The following C19orf44 variants were observed in gnomAD, a reference collection of about 807,000 sequenced individuals.
C19orf44 encodes the protein uncharacterized protein C19orf44.
C19orf44 carries 43 observed loss-of-function variants against 50.7 expected under a neutral mutation model. The ratio of observed to expected loss-of-function variants is 0.85; its 90% confidence interval spans 0.66 to 1.09. The LOEUF (loss-of-function observed/expected upper bound fraction) is 1.09. C19orf44 is among the 50% of genes least tolerant of loss of function. The pLI, the probability that C19orf44 is intolerant of heterozygous loss-of-function variation, is 0.00. For synonymous variants in C19orf44, 298 were observed against 334.7 expected (o/e 0.89, Z 1.20); for missense variants, 722 against 836.2 (o/e 0.86, Z 1.68).
rs577829774 is a variant in C19orf44, at chr19:16,520,754, T to C, written c.*701T>C. 43 of 1,427,462 alleles carry C rather than the reference T, an allele frequency of 3.0e-5. No homozygotes were observed. The highest frequency in any genetic ancestry group is 3.9e-5 in the Non-Finnish European group (40 of 1,015,188). The allele number at this position is 1,427,462 out of a possible 1,614,324, so 88.4% of individuals were successfully genotyped here. The stretch of plus-strand genomic sequence containing the variant: ...TGAGGGTGGACGTGATGAGTGTATC[T>C]GGGGTCTGCTCCCACCCATCACAAG... On this transcript the variant is annotated 3_prime_UTR_variant, in exon 9 of 9. Coordinates refer to ENST00000221671, the MANE Select transcript of C19orf44 (RefSeq NM_032207.4). The surrounding 1 kb of genome is among the most constrained non-coding windows in gnomAD (Gnocchi z 4.0).
In C19orf44 at chr19:16,519,151, A is replaced by T. The variant is rs753404597; in HGVS notation, c.*41-943A>T. 1.2e-6 allele frequency: 2 copies of T among 1,610,444 alleles called. No homozygotes were observed. The highest frequency in any genetic ancestry group is 1.7e-6 in the Non-Finnish European group (2 of 1,178,954). ...GCTGGCCACCGGCGCGGCTCCCGGC[A>T]TGGGCGCCTACTTACACTCGTCCCT... On this transcript the variant is annotated intron_variant, in intron 8 of 8. Coordinates refer to ENST00000221671, the MANE Select transcript of C19orf44 (RefSeq NM_032207.4). This position sits in a 1 kb window ranked among gnomAD's most constrained non-coding sequence, Gnocchi z 6.0.
rs746388656 is a variant in C19orf44, at chr19:16,510,005, G to A, written c.1639+17G>A. The A allele has an allele frequency of 2.5e-5, 41 of 1,613,972 alleles. No individual in the cohort carries two copies. The South Asian group carries it at 3.8e-4, about 15-fold the overall frequency. The stretch of plus-strand genomic sequence containing the variant: ...GGACCAAGGGTAAGCCTTGGGGCCC[G>A]TGGGGGCCGGGGCAGCCGGGACAGG... On this transcript the variant is annotated intron_variant, in intron 5 of 8. Transcript: ENST00000221671.
At chr19:16,502,886 A>G (rs1277916430) in intron 2 of C19orf44, among the ~76,000 whole-genome samples, 179 bp from the exon 3 acceptor site, 1 of 151,252 alleles carries the variant, frequency 6.6e-6, no homozygotes. Flanking sequence ...GCTGCTTGGG[A>G]GGCTGAGGTG....
At chr19:16,503,873 C>T (rs1157959941) in intron 3 of C19orf44, among the ~76,000 whole-genome samples, 1 of 152,130 alleles carries the variant, frequency 6.6e-6, no homozygotes, top group African/African-American at 2.4e-5. Flanking sequence ...CTTACCAACT[C>T]ATCTCTTGAG....
Position 16,519,883 on chromosome 19 carries a change from G to T in C19orf44, c.*41-211G>T. On this transcript the variant is annotated intron_variant, in intron 8 of 8. Transcript: ENST00000221671. This position sits in a 1 kb window ranked among gnomAD's most constrained non-coding sequence, Gnocchi z 6.0. ...GTTTATCCTGTCTCAGCTAGATAAG[G>T]GGGCTCCAGACGCTGGCCCCCACCC... 1.4e-6 allele frequency: 1 copy of T among 695,630 alleles called. No homozygotes were observed. Among genetic ancestry groups the T allele is most frequent in the Non-Finnish European group, 2.5e-6 (1 of 399,266 alleles). 43.1% of individuals were successfully genotyped at this position (695,630 alleles called of 1,614,324 possible).
rs138160349 is a variant in C19orf44 at position 16,509,866 on chromosome 19, A to G, written c.1517A>G (p.Lys506Arg). 11 of 1,614,162 alleles carry G rather than the reference A, an allele frequency of 6.8e-6. No homozygotes were observed. Among genetic ancestry groups the G allele is most frequent in the Middle Eastern group, 1.6e-4 (1 of 6,084 alleles). ...DALSESSSSV[K>R]TDLPQTAESR... is the part of the protein sequence containing the mutation. ...TTGTCTGAATCCTCTTCAAGTGTGA[A>G]GACAGACCTTCCACAAACAGCCGAG... is the stretch of plus-strand genomic sequence containing the variant. Residue 506 changes from lysine to arginine, a missense_variant, in exon 5 of 9, where the codon AAG becomes AGG. Transcript: ENST00000221671.
intron 1 of C19orf44, among the ~76,000 whole-genome samples, chr19:16,498,877 A>G (rs1388834583): frequency 6.6e-6 from 1 of 151,088 alleles, no homozygotes; most frequent in Non-Finnish European, 1.5e-5. Flanking sequence ...TCACTGTGTT[A>G]GCCAGGATGG....
At chr19:16,518,966 AC>A in intron 8 of C19orf44, 1 of 606,592 alleles carries the variant, frequency 1.6e-6, no homozygotes, top group Non-Finnish European at 2.8e-6. Flanking sequence ...TGTGGGTGGC[AC>A]CCGTGCCCTC....
intron 7 of C19orf44, 107 bp from the exon 8 acceptor site, chr19:16,517,123 G>A: frequency 9.8e-7 from 1 of 1,023,032 alleles, no homozygotes; most frequent in Non-Finnish European, 1.5e-6. Flanking sequence ...GTCACTGACA[G>A]GAGCCTGCTG....
chr19:16,508,691 G>C (rs2093447407), intron 4 of C19orf44, among the ~76,000 whole-genome samples: 3 of 152,114 alleles, frequency 2.0e-5, no homozygotes, highest in African/African-American at 7.2e-5. Flanking sequence ...CAGGCATGAT[G>C]AAACTTAATT....
chr19:16,496,426 A>G lies in C19orf44; in HGVS notation c.-41A>G. The G allele has an allele frequency of 2.5e-6, 1 of 404,614 alleles. No individual in the cohort carries two copies. Among genetic ancestry groups the G allele is most frequent in the South Asian group, 2.6e-5 (1 of 38,504 alleles). The allele number at this position is 404,614 out of a possible 1,614,324, so 25.1% of individuals were successfully genotyped here. On this transcript the variant is annotated 5_prime_UTR_variant, in exon 1 of 9. The change abolishes an upstream ATG in the 5' untranslated region. Coordinates refer to ENST00000221671, the MANE Select transcript of C19orf44 (RefSeq NM_032207.4). ...AGGGCAACCGCTCCTTCAGGCGTGA[A>G]TGTGGCGGCTGCCTCTGCGAATGGA...
At position 16,501,125 on chromosome 19, in the gene C19orf44, G is replaced by C. The variant is rs1382332817; in HGVS notation, c.333G>C (p.Arg111Ser). The change falls in exon 2 of 9, where the codon AGG (arginine) becomes AGC (serine). Residue 111 changes from arginine (R) to serine (S), a missense_variant. By Grantham distance (110) the Arg-to-Ser change is moderately radical. Coordinates refer to ENST00000221671, the MANE Select transcript of C19orf44 (RefSeq NM_032207.4). ...ETRIMNRKLQ[R>S]NLSDTESDSM... ...GGATCATGAATCGGAAGCTGCAGAGGAATTTGTCTGACACGGAATCTGACT... is the reference window on the plus strand; with the variant it reads ...GGATCATGAATCGGAAGCTGCAGAGCAATTTGTCTGACACGGAATCTGACT... 6.2e-7 allele frequency: 1 copy of C among 1,614,062 alleles called. No individual in the cohort carries two copies. Among genetic ancestry groups the C allele is most frequent in the Admixed American group, 1.7e-5 (1 of 59,966 alleles).
intron 4 of C19orf44, among the ~76,000 whole-genome samples, chr19:16,507,647 T>A (rs1257519110): frequency 6.6e-6 from 1 of 151,136 alleles, no homozygotes; most frequent in Non-Finnish European, 1.5e-5. Flanking sequence ...CCTGCCACCA[T>A]GCCCAGCTAA....
intron 2 of C19orf44, among the ~76,000 whole-genome samples, chr19:16,502,147 TG>T (rs761373826): frequency 6.6e-6 from 1 of 151,686 alleles, no homozygotes; most frequent in African/African-American, 2.4e-5. Context: ...TGACCTCAGG[TG>T]ATTTGCCTAC....
intron 7 of C19orf44, among the ~76,000 whole-genome samples, chr19:16,516,080 G>A (rs1267193023): frequency 6.6e-6 from 1 of 152,186 alleles, no homozygotes; most frequent in Non-Finnish European, 1.5e-5. Context: ...TTATAGGCGT[G>A]AGCCACCGCC....
At chr19:16,517,033 C>T (rs1434219966) in intron 7 of C19orf44, among the ~76,000 whole-genome samples, 197 bp from the exon 8 acceptor site, 2 of 152,208 alleles carry the variant, frequency 1.3e-5, no homozygotes, top group African/African-American at 4.8e-5. Flanking sequence ...GCTCACCCCT[C>T]GCAGGGCTGA....
In C19orf44 at chr19:16,517,357, T is replaced by C. The variant is rs2085547800; in HGVS notation, c.*40+16T>C. The stretch of plus-strand genomic sequence containing the variant: ...TTAACAAAAGGTATCCCGTCCTGTG[T>C]ACTCAGTGCACACACACGCACACAA... On this transcript the variant is annotated intron_variant, in intron 8 of 8. Transcript: ENST00000221671. 6.0e-6 allele frequency: 9 copies of C among 1,503,898 alleles called. No homozygotes were observed. The highest frequency in any genetic ancestry group is 2.7e-5 in the African/African-American group (2 of 72,744). The allele number at this position is 1,503,898 out of a possible 1,614,324, so 93.2% of individuals were successfully genotyped here. A position where few individuals can be genotyped will look rare whatever the true frequency, so the allele number is the denominator to read the frequency against.
Position 16,520,140 on chromosome 19 carries a change from G to T in C19orf44, c.*87G>T, listed in dbSNP as rs1174485065. The T allele has an allele frequency of 1.2e-6, 2 of 1,611,862 alleles. No homozygotes were observed. Among genetic ancestry groups the T allele is most frequent in the Non-Finnish European group, 1.7e-6 (2 of 1,179,184 alleles). On this transcript the variant is annotated 3_prime_UTR_variant, in exon 9 of 9. Coordinates refer to ENST00000221671, the MANE Select transcript of C19orf44 (RefSeq NM_032207.4). The surrounding 1 kb of genome is among the most constrained non-coding windows in gnomAD (Gnocchi z 4.0). The stretch of plus-strand genomic sequence containing the variant: ...AGTTACCAGCGCAGCACTTAAGACA[G>T]GATCTTACGGCGGGGTGGGGCTCCT...
At chr19:16,506,567 T>G (rs933581073) in intron 3 of C19orf44, 134 bp from the exon 4 acceptor site, 4 of 561,282 alleles carry the variant, frequency 7.1e-6, no homozygotes, top group Non-Finnish European at 1.2e-5. Context: ...CACTCCAGCC[T>G]GGGTGACAGA....
Sources: allele counts gnomAD v4.1 joint callset (sites outside exome capture counted in the v4.1 genomes callset), GRCh38; gene constraint gnomAD v4.1.1; non-coding constraint Gnocchi (gnomAD v3.1); transcripts MANE v1.5; gene names NCBI Gene and HGNC (gene_info 2026-07-23, HGNC 2026-07-21).